Variants in COL22A1 observed in about 807,000 individuals in gnomAD.
COL22A1 encodes collagen alpha-1(XXII) chain.
COL22A1 carries 221 observed loss-of-function variants against 248.9 expected under a neutral mutation model. The ratio of observed to expected loss-of-function variants is 0.89; its 90% CI spans 0.80 to 0.99. COL22A1 has a LOEUF of 0.99. COL22A1 is among the 50% of genes least tolerant of loss of function. The probability of loss-of-function intolerance (pLI) is 0.00; values close to 1 mark genes in which losing one functional copy is unlikely to be tolerated. For synonymous variants in COL22A1, 891 were observed against 793.4 expected, an observed-to-expected ratio of 1.12 and a Z score of -2.07; for missense variants, 2,240 against 2,179.0, an observed-to-expected ratio of 1.03 and a Z score of -0.56.
intron 12 of COL22A1, among the ~76,000 whole-genome samples, chr8:138,788,584 A>G (rs1036680276): frequency 2.6e-5 from 4 of 152,178 alleles, no homozygotes; most frequent in East Asian, 1.9e-4. Context: ...CTCCTGGAAC[A>G]TGCTTTCTAA....
intron 5 of COL22A1, among the ~76,000 whole-genome samples, chr8:138,830,525 C>G (rs562470776): frequency 6.6e-6 from 1 of 151,988 alleles, no homozygotes; most frequent in Non-Finnish European, 1.5e-5. Flanking sequence ...GGGTGCTTTG[C>G]CATTAAAAAA....
At chr8:138,663,016 T>TCACACACACACACACACACACA (rs6150848) in intron 42 of COL22A1, among the ~76,000 whole-genome samples, 151 of 148,734 alleles carry the variant, frequency 1.0e-3, no homozygotes, top group African/African-American at 3.5e-3. Flanking sequence ...ACTCTGTCAC[T>TCACACACACACACACACACACA]CACACACACA....
intron 11 of COL22A1, among the ~76,000 whole-genome samples, chr8:138,798,603 C>T (rs1816750683): frequency 6.6e-6 from 1 of 152,102 alleles, no homozygotes; most frequent in African/African-American, 2.4e-5. Flanking sequence ...ATGCGTATTA[C>T]ATGCGTGTTT....
intron 3 of COL22A1, among the ~76,000 whole-genome samples, chr8:138,849,367 A>G (rs1821467061): frequency 6.6e-6 from 1 of 152,238 alleles, no homozygotes; most frequent in Non-Finnish European, 1.5e-5. Flanking sequence ...CATTTAATTG[A>G]ATCCTTACCA....
intron 1 of COL22A1, among the ~76,000 whole-genome samples, chr8:138,885,304 C>T (rs1824570925): frequency 6.6e-6 from 1 of 152,132 alleles, no homozygotes; most frequent in Non-Finnish European, 1.5e-5. Flanking sequence ...GTTGTCATTC[C>T]AATTCTGCAT....
chr8:138,755,146 G>A lies in COL22A1; in HGVS notation c.2031+11C>T. 1.9e-6 allele frequency: 3 copies of A among 1,613,954 alleles called. No individual in the cohort carries two copies. Among genetic ancestry groups the A allele is most frequent in the Non-Finnish European group, 2.5e-6 (3 of 1,179,842 alleles). On this transcript the variant is annotated intron_variant, in intron 21 of 64. Transcript: ENST00000303045. The stretch of plus-strand genomic sequence containing the variant: ...GCAGAGCAAACCCTGCGCAGGAGAG[G>A]GACAACTTACCCGAGCTCCTGGAGG...
intron 7 of COL22A1, among the ~76,000 whole-genome samples, chr8:138,817,857 T>C (rs1818799288): frequency 6.6e-6 from 1 of 152,190 alleles, no homozygotes; most frequent in Non-Finnish European, 1.5e-5. Context: ...AGGGCTCATT[T>C]TTCTCTTGTT....
intron 39 of COL22A1, among the ~76,000 whole-genome samples, chr8:138,680,242 C>T (rs534990417): frequency 3.2e-4 from 49 of 152,224 alleles, no homozygotes; most frequent in African/African-American, 8.4e-4. Flanking sequence ...GGGTTGTAGA[C>T]GGAGGATGAT....
chr8:138,833,771 CAG>C (rs1266827147), intron 4 of COL22A1, among the ~76,000 whole-genome samples: 2 of 152,084 alleles, frequency 1.3e-5, no homozygotes, highest in Non-Finnish European at 2.9e-5. Flanking sequence ...TGTAAAGTAA[CAG>C]AAAAATCAGG....
intron 41 of COL22A1, among the ~76,000 whole-genome samples, chr8:138,664,247 A>T (rs1352438988): frequency 6.6e-6 from 1 of 150,982 alleles, no homozygotes; most frequent in East Asian, 2.0e-4. Context: ...ACACACACAC[A>T]CACACACACA....
chr8:138,654,043 T>C (rs893872813), intron 45 of COL22A1, among the ~76,000 whole-genome samples: 6 of 152,208 alleles, frequency 3.9e-5, no homozygotes, highest in Admixed American at 2.0e-4. Flanking sequence ...TGAGGAAATA[T>C]TGATTTGACT....
At chr8:138,852,175 G>A (rs1484126114) in intron 3 of COL22A1, among the ~76,000 whole-genome samples, 1 of 152,134 alleles carries the variant, frequency 6.6e-6, no homozygotes, top group Non-Finnish European at 1.5e-5. Flanking sequence ...GGCCCAGGTT[G>A]GGGCTGATGG....
At position 138,884,324 on chromosome 8, in the gene COL22A1, G is replaced by A. The variant is rs140988578; in HGVS notation, c.-72-1080C>T. ...CTTGATCCCTGGAGGCTGAGGCCAG[G>A]CCAACTTCACTGGGCATGGAAGATT... On this transcript the variant is annotated intron_variant, in intron 1 of 64. Coordinates refer to ENST00000303045, the MANE Select transcript of COL22A1 (RefSeq NM_152888.3). Among the ~76,000 whole-genome samples the A allele has an allele frequency of 6.1e-3, 929 of 152,256 alleles. 10 individuals carry two copies. The highest frequency in any genetic ancestry group is 0.021 in the African/African-American group (867 of 41,522).
intron 1 of COL22A1, among the ~76,000 whole-genome samples, chr8:138,913,300 C>A (rs1415437818): frequency 2.0e-5 from 3 of 151,998 alleles, no homozygotes; most frequent in Non-Finnish European, 4.4e-5. Flanking sequence ...AACAAGCTCT[C>A]GCATTTGACT....
intron 3 of COL22A1, among the ~76,000 whole-genome samples, chr8:138,876,923 C>T (rs1169003965): frequency 6.6e-6 from 1 of 152,248 alleles, no homozygotes; most frequent in African/African-American, 2.4e-5. Context: ...CCCACTGTGA[C>T]TGGAGAAGGA....
At chr8:138,749,018 G>C (rs1397855423) in intron 22 of COL22A1, among the ~76,000 whole-genome samples, 1 of 152,104 alleles carries the variant, frequency 6.6e-6, no homozygotes, top group Non-Finnish European at 1.5e-5. Context: ...AGATTTCATG[G>C]TTTTACAAGG....
chr8:138,819,754 A>C (rs994698073), intron 7 of COL22A1, among the ~76,000 whole-genome samples: 6 of 149,876 alleles, frequency 4.0e-5, no homozygotes, highest in Non-Finnish European at 8.9e-5. Flanking sequence ...CAACATATAT[A>C]TATATTCACA....
intron 49 of COL22A1, among the ~76,000 whole-genome samples, chr8:138,632,972 T>C (rs1214015878): frequency 6.6e-6 from 1 of 152,180 alleles, no homozygotes; most frequent in Non-Finnish European, 1.5e-5. Context: ...GTAAGTGTTT[T>C]ATCTGGAATA....
At chr8:138,662,120 A>G (rs768834657) in intron 42 of COL22A1, 37 bp from the exon 43 acceptor site, 8 of 1,578,580 alleles carry the variant, frequency 5.1e-6, no homozygotes, top group Non-Finnish European at 6.1e-6. Flanking sequence ...ACACCCTACA[A>G]TATTTAAGCA....
Sources: gnomAD v4.1 joint callset for allele counts (sites outside exome capture counted in the v4.1 genomes callset) on GRCh38, gnomAD v4.1.1 for gene constraint, MANE v1.5 for transcripts, NCBI Gene and HGNC (gene_info 2026-07-23, HGNC 2026-07-21) for gene names.